The following CARM1 variants were observed in gnomAD, a reference collection of about 807,000 sequenced individuals.
CARM1 encodes the protein coactivator associated arginine methyltransferase 1.
In CARM1, 14 loss-of-function variants were observed where a neutral mutation model predicts 72.7. The observed-to-expected ratio is 0.19, with a 90% CI of 0.13 to 0.30. The LOEUF (loss-of-function observed/expected upper bound fraction) is 0.30, where lower values mean the gene tolerates loss of function less well. CARM1 is among the 10% of genes least tolerant of loss of function. CARM1 has a pLI of 1.00. For missense variants in CARM1, 432 were observed against 833.7 expected (o/e 0.52, Z 5.93); for synonymous variants, 333 against 345.5 (o/e 0.96, Z 0.40).
At chr19:10,905,223 A>G (rs1055882943) in intron 2 of CARM1, 147 bp downstream of exon 2, 51 of 970,188 alleles carry the variant, frequency 5.3e-5, no homozygotes, top group Non-Finnish European at 6.7e-5. Flanking sequence ...ACATGCAGGT[A>G]TGCCCAGAAT....
chr19:10,885,277 G>A (rs567714291), intron 1 of CARM1, among the ~76,000 whole-genome samples: 1 of 152,292 alleles, frequency 6.6e-6, no homozygotes, highest in East Asian at 1.9e-4. Context: ...CCCCTGCCAG[G>A]AGAACCCCCT....
rs375336858 is a variant in CARM1, at chr19:10,922,893, G to A, written c.*1136G>A. On this transcript the variant is annotated 3_prime_UTR_variant, in exon 16 of 16. Coordinates refer to ENST00000327064, the MANE Select transcript of CARM1 (RefSeq NM_199141.2). ...GAGCGGGCGCTGTCCAGGCTGGGCC[G>A]CCCCCTTGGCTCTCCCTCCTGTTCC... is the stretch of plus-strand genomic sequence containing the variant. 10 of 176,300 alleles carry A rather than the reference G, an allele frequency of 5.7e-5. No individual in the cohort carries two copies. The highest frequency in any genetic ancestry group is 4.2e-4 in the South Asian group (3 of 7,094). The allele number at this position is 176,300 out of a possible 1,614,324, so 10.9% of individuals were successfully genotyped here.
chr19:10,872,487 T>C (rs562918562), intron 1 of CARM1, among the ~76,000 whole-genome samples: 2 of 152,152 alleles, frequency 1.3e-5, no homozygotes, highest in African/African-American at 4.8e-5. Context: ...AATGGGAAAC[T>C]TCAGGATCTG....
rs940149025 is a variant in CARM1, at chr19:10,896,887, C to A, written c.221-8064C>A. ...AGTGAGCAGATAGGGAAGTGGGTGG[C>A]GAGGATGCTGAGGGTCCAGCCTCTG... On this transcript the variant is annotated intron_variant, in intron 1 of 15. Coordinates refer to ENST00000327064, the MANE Select transcript of CARM1 (RefSeq NM_199141.2). The surrounding 1 kb of genome is among the most constrained non-coding windows in gnomAD (Gnocchi z 5.2). 6.6e-6 allele frequency among the ~76,000 whole-genome samples: 1 copy of A among 152,138 alleles called. No homozygotes were observed. Among genetic ancestry groups the A allele is most frequent in the African/African-American group, 2.4e-5 (1 of 41,436 alleles).
chr19:10,900,007 G>T (rs1012708795), intron 1 of CARM1, among the ~76,000 whole-genome samples: 1 of 151,998 alleles, frequency 6.6e-6, no homozygotes, highest in South Asian at 2.1e-4. Context: ...GAGCCACCAC[G>T]CCTGGCCCAT....
intron 1 of CARM1, among the ~76,000 whole-genome samples, chr19:10,880,272 C>T (rs2073891915): frequency 6.6e-6 from 1 of 152,196 alleles, no homozygotes; most frequent in African/African-American, 2.4e-5. Flanking sequence ...ACCTGGGCCA[C>T]ACCTGGCTGC....
chr19:10,883,950 G>A (rs372018116), intron 1 of CARM1, among the ~76,000 whole-genome samples: 2 of 151,872 alleles, frequency 1.3e-5, no homozygotes, highest in Admixed American at 6.6e-5. Flanking sequence ...CCCAGGAGGC[G>A]GAGGTTGCAG....
chr19:10,918,616 ACTGAGTGTG>A (rs1352527013), intron 8 of CARM1, among the ~76,000 whole-genome samples: 1 of 152,100 alleles, frequency 6.6e-6, no homozygotes, highest in African/African-American at 2.4e-5. Context: ...TCACAAGCGC[ACTGAGTGTG>A]CACCGCCCAC....
Position 10,922,061 on chromosome 19 carries a change from T to C in CARM1, c.*304T>C, listed in dbSNP as rs1265078421. 1.8e-5 allele frequency: 4 copies of C among 224,810 alleles called. No individual in the cohort carries two copies. Among genetic ancestry groups the C allele is most frequent in the South Asian group, 2.5e-4 (2 of 8,004 alleles). The allele number at this position is 224,810 out of a possible 1,614,324, so 13.9% of individuals were successfully genotyped here. ...TTGTCATCTGCTGGAACAGGCGCCA[T>C]GGGGCCTGCCAGCCCTGCCTGCCAG... On this transcript the variant is annotated 3_prime_UTR_variant, in exon 16 of 16. Coordinates refer to ENST00000327064, the MANE Select transcript of CARM1 (RefSeq NM_199141.2).
At position 10,871,831 on chromosome 19, in the gene CARM1, G is replaced by A. The variant is rs772075751; in HGVS notation, c.129G>A (p.Ala43=). 10 of 1,296,936 alleles carry A rather than the reference G, an allele frequency of 7.7e-6. No homozygotes were observed. In the Admixed American group the frequency reaches 9.7e-5, roughly 13 times the overall value. The allele number at this position is 1,296,936 out of a possible 1,614,324, so 80.3% of individuals were successfully genotyped here. A position where few individuals can be genotyped will look rare whatever the true frequency, so the allele number is the denominator to read the frequency against. ...PGARLLTIGD[A]NGEIQRHAEQ... is the part of the protein sequence containing the mutation. Reference sequence around the variant, plus strand: ...CCCGCCTCCTCACCATCGGCGACGCGAACGGCGAGATCCAGCGGCACGCGG... The same window carrying A: ...CCCGCCTCCTCACCATCGGCGACGCAAACGGCGAGATCCAGCGGCACGCGG... The change falls in exon 1 of 16, where the codon GCG becomes GCA. Residue 43 remains alanine (A), a synonymous_variant. Coordinates refer to ENST00000327064, the MANE Select transcript of CARM1 (RefSeq NM_199141.2). The surrounding 1 kb of genome is among the most constrained non-coding windows in gnomAD (Gnocchi z 5.6).
chr19:10,884,147 A>G (rs1461111582), intron 1 of CARM1, among the ~76,000 whole-genome samples: 3 of 150,546 alleles, frequency 2.0e-5, no homozygotes, highest in Non-Finnish European at 4.4e-5. Context: ...GTTCGAGACC[A>G]GCCTGACCAA....
intron 1 of CARM1, among the ~76,000 whole-genome samples, chr19:10,893,030 C>T (rs937187972): frequency 2.6e-5 from 4 of 151,862 alleles, no homozygotes; most frequent in South Asian, 2.1e-4. Context: ...CCAACACTCC[C>T]GGCCCTGCCC....
At position 10,920,113 on chromosome 19, in the gene CARM1, T is replaced by C; in HGVS notation, c.1196+147T>C. On this transcript the variant is annotated intron_variant, in intron 10 of 15. Transcript: ENST00000327064. This position sits in a 1 kb window ranked among gnomAD's most constrained non-coding sequence, Gnocchi z 5.3. ...GAGCCTGTCTCGGAGCAAGAGACTG[T>C]TGTGGGTGGGGTGTGTGTGTGTGTG... The C allele has an allele frequency of 1.5e-6, 1 of 665,014 alleles. No homozygotes were observed. Among genetic ancestry groups the C allele is most frequent in the Non-Finnish European group, 2.6e-6 (1 of 387,264 alleles). The allele number at this position is 665,014 out of a possible 1,614,324, so 41.2% of individuals were successfully genotyped here.
chr19:10,888,258 G>A (rs753720733), intron 1 of CARM1, among the ~76,000 whole-genome samples: 3 of 152,278 alleles, frequency 2.0e-5, no homozygotes, highest in Admixed American at 2.0e-4. Flanking sequence ...GCATTGCCCA[G>A]GCCCAGAGCA....
chr19:10,909,220 C>T lies in CARM1; in HGVS notation c.558+13C>T, dbSNP rs751087008. On this transcript the variant is annotated intron_variant, in intron 4 of 15. Coordinates refer to ENST00000327064, the MANE Select transcript of CARM1 (RefSeq NM_199141.2). ...CTTCAAGGACAAGGTGAGTGGCCCG[C>T]GCATGTGCCCACCTCTCTGCTTCTG... 1.6e-5 allele frequency: 25 copies of T among 1,537,742 alleles called. No homozygotes were observed. Among genetic ancestry groups the T allele is most frequent in the East Asian group, 9.0e-5 (4 of 44,480 alleles).
intron 8 of CARM1, among the ~76,000 whole-genome samples, chr19:10,917,567 G>A (rs983365148): frequency 6.6e-6 from 1 of 151,996 alleles, no homozygotes; most frequent in Non-Finnish European, 1.5e-5. Flanking sequence ...GGACTATCTT[G>A]GATACTATCT....
At position 10,912,580 on chromosome 19, in the gene CARM1, G is replaced by A. The variant is rs904616846; in HGVS notation, c.669+286G>A. ...AGTTCAAAACATAAAAGCTAAAAAA[G>A]AGCAGACAGCGTGCTCTCCTTCCCC... On this transcript the variant is annotated intron_variant, in intron 5 of 15. Coordinates refer to ENST00000327064, the MANE Select transcript of CARM1 (RefSeq NM_199141.2). This position sits in a 1 kb window ranked among gnomAD's most constrained non-coding sequence, Gnocchi z 4.5. 6.7e-5 allele frequency among the ~76,000 whole-genome samples: 10 copies of A among 148,672 alleles called. No individual in the cohort carries two copies. Among genetic ancestry groups the A allele is most frequent in the Non-Finnish European group, 7.4e-5 (5 of 67,304 alleles).
intron 15 of CARM1, 67 bp downstream of exon 15, chr19:10,921,510 C>A (rs920243501): frequency 1.3e-6 from 2 of 1,567,540 alleles, no homozygotes; most frequent in Non-Finnish European, 1.7e-6. Flanking sequence ...ATCCTCTGTC[C>A]GGCCGCCCGC....
At chr19:10,882,029 G>A (rs979607596) in intron 1 of CARM1, among the ~76,000 whole-genome samples, 1 of 152,178 alleles carries the variant, frequency 6.6e-6, no homozygotes, top group Non-Finnish European at 1.5e-5. Context: ...AGTCGTGCTT[G>A]TGGTAAGAGC....
Sources: gnomAD v4.1 joint callset for allele counts (sites outside exome capture counted in the v4.1 genomes callset) on GRCh38, gnomAD v4.1.1 for gene constraint, Gnocchi (gnomAD v3.1) non-coding constraint, MANE v1.5 for transcripts, NCBI Gene and HGNC (gene_info 2026-07-23, HGNC 2026-07-21) for gene names.